The following PNPLA7 variants were observed in gnomAD, a reference collection of about 807,000 sequenced individuals.
PNPLA7 encodes the protein patatin like domain 7, lysophospholipase.
Under a neutral mutation model 161.7 loss-of-function variants are expected in PNPLA7, and 153 were observed. That is an observed-to-expected ratio of 0.95 (90% confidence interval 0.83 to 1.08). The LOEUF (loss-of-function observed/expected upper bound fraction) is 1.08, where lower values mean the gene tolerates loss of function less well. Ranked by LOEUF, PNPLA7 falls within the 50% of genes least tolerant of loss-of-function variation. The pLI, the probability that PNPLA7 is intolerant of heterozygous loss-of-function variation, is 0.00. For synonymous variants in PNPLA7, 809 were observed against 782.1 expected (o/e 1.03, Z -0.57); for missense variants, 1,739 against 1,856.6 (o/e 0.94, Z 1.16).
At chr9:137,496,498 G>A (rs113129516) in intron 18 of PNPLA7, among the ~76,000 whole-genome samples, 14 of 151,984 alleles carry the variant, frequency 9.2e-5, no homozygotes, top group African/African-American at 3.1e-4. Flanking sequence ...AATCACCTGC[G>A]GTCGGGAGTT....
chr9:137,496,266 C>T (rs1180856612), intron 18 of PNPLA7, among the ~76,000 whole-genome samples: 8 of 151,802 alleles, frequency 5.3e-5, no homozygotes, highest in Admixed American at 3.3e-4. Context: ...CGCCACCACA[C>T]CCAGCTAATT....
chr9:137,511,331 G>A (rs1834222598), intron 12 of PNPLA7, among the ~76,000 whole-genome samples: 1 of 151,790 alleles, frequency 6.6e-6, no homozygotes, highest in African/African-American at 2.4e-5. Flanking sequence ...CCTGGCGGTA[G>A]CGCCAGTGCC....
chr9:137,547,935 A>G lies in PNPLA7; in HGVS notation c.31-276T>C, dbSNP rs1181258981. On this transcript the variant is annotated intron_variant, in intron 1 of 34. Transcript: ENST00000406427. The surrounding 1 kb of genome is among the most constrained non-coding windows in gnomAD (Gnocchi z 4.6). ...AACACACCCACATGCTGGTGATGCAATCCTTGGGATGCAGGTCTCAGGGAG... is the reference window on the plus strand; with the variant it reads ...AACACACCCACATGCTGGTGATGCAGTCCTTGGGATGCAGGTCTCAGGGAG... 6.6e-6 allele frequency among the ~76,000 whole-genome samples: 1 copy of G among 152,088 alleles called. No individual in the cohort carries two copies. The highest frequency in any genetic ancestry group is 6.5e-5 in the Admixed American group (1 of 15,280).
chr9:137,535,968 T>C (rs2488593), intron 8 of PNPLA7, among the ~76,000 whole-genome samples: 52,463 of 151,156 alleles, frequency 0.35, 10,677 homozygotes, highest in East Asian at 0.67. Flanking sequence ...CTGGCTAACA[T>C]GGTGAAACCC....
chr9:137,521,321 G>T (rs1288309449), intron 10 of PNPLA7, among the ~76,000 whole-genome samples: 1 of 152,240 alleles, frequency 6.6e-6, no homozygotes, highest in Non-Finnish European at 1.5e-5. Context: ...TCACAACCGT[G>T]TGGGCCTCCA....
chr9:137,516,833 AATTATT>A (rs539171251), intron 11 of PNPLA7, among the ~76,000 whole-genome samples: 4 of 149,952 alleles, frequency 2.7e-5, no homozygotes, highest in Non-Finnish European at 4.4e-5. Flanking sequence ...TAATAATAAT[AATTATT>A]ATTATTATTA....
intron 8 of PNPLA7, among the ~76,000 whole-genome samples, chr9:137,534,791 T>C (rs1300402054): frequency 2.0e-5 from 3 of 152,138 alleles, no homozygotes; most frequent in Non-Finnish European, 4.4e-5. Context: ...TCCAGTAATC[T>C]AGATTACCTT....
intron 8 of PNPLA7, among the ~76,000 whole-genome samples, chr9:137,534,182 TCCTCCCCAACTGTCCACTC>T (rs1835759347): frequency 8.2e-6 from 1 of 122,488 alleles, no homozygotes; most frequent in Non-Finnish European, 1.7e-5. Context: ...ACCCCCAGAC[TCCTCCCCAACTGTCCACTC>T]CAGATGGGAG....
In PNPLA7 at chr9:137,500,500, G is replaced by A. The variant is rs1483400346; in HGVS notation, c.1757+191C>T. Among the ~76,000 whole-genome samples the A allele has an allele frequency of 6.6e-5, 10 of 152,192 alleles. No homozygotes were observed. Among genetic ancestry groups the A allele is most frequent in the Non-Finnish European group, 8.8e-5 (6 of 68,030 alleles). On this transcript the variant is annotated intron_variant, in intron 16 of 34. Transcript: ENST00000406427. The surrounding 1 kb of genome is among the most constrained non-coding windows in gnomAD (Gnocchi z 5.5). Reference sequence around the variant, plus strand: ...GTGCGAAGCTGATCGCTGCGGGCAGGTGGGGTCGGCTGACTGAGCGCTGGA... The same window carrying A: ...GTGCGAAGCTGATCGCTGCGGGCAGATGGGGTCGGCTGACTGAGCGCTGGA...
intron 22 of PNPLA7, 113 bp from the exon 23 acceptor site, chr9:137,480,593 T>C (rs898757554): frequency 1.1e-5 from 13 of 1,224,484 alleles, no homozygotes; most frequent in African/African-American, 3.1e-5. Context: ...CCCCTTCCCC[T>C]CCCTGCCCAG....
intron 24 of PNPLA7, 23 bp from the exon 25 acceptor site, chr9:137,478,175 G>A: frequency 1.6e-6 from 2 of 1,280,794 alleles, no homozygotes; most frequent in African/African-American, 1.5e-5. Context: ...CCGTCAGGCA[G>A]GGCTGGTGCA....
At chr9:137,492,850 T>C (rs1401348266) in intron 20 of PNPLA7, among the ~76,000 whole-genome samples, 163 bp downstream of exon 20, 1 of 61,980 alleles carries the variant, frequency 1.6e-5, no homozygotes, top group Admixed American at 2.2e-4. Context: ...ATGGGCTGGG[T>C]GGGCAGGGCT....
At chr9:137,462,545 C>T in intron 30 of PNPLA7, 140 bp downstream of exon 30, 2 of 1,407,650 alleles carry the variant, frequency 1.4e-6, no homozygotes, top group Non-Finnish European at 9.4e-7. Context: ...GAGTTGGGCT[C>T]AGGCAGGGGT....
rs1211577610 is a variant in PNPLA7, at chr9:137,547,419, C to T, written c.106-23G>A. 4.3e-6 allele frequency: 7 copies of T among 1,612,250 alleles called. No homozygotes were observed. Among genetic ancestry groups the T allele is most frequent in the East Asian group, 2.2e-5 (1 of 44,888 alleles). ...CAGCTGGCCGAGAGTGGAAACACGG[C>T]GCCCATCAGCAAAGCCACAAACCTA... On this transcript the variant is annotated intron_variant, in intron 2 of 34. Coordinates refer to ENST00000406427, the MANE Select transcript of PNPLA7 (RefSeq NM_001098537.3). This position sits in a 1 kb window ranked among gnomAD's most constrained non-coding sequence, Gnocchi z 4.6.
At chr9:137,463,326 T>TGGAGC in intron 29 of PNPLA7, 89 bp downstream of exon 29, 1 of 1,192,842 alleles carries the variant, frequency 8.4e-7, no homozygotes, top group Non-Finnish European at 1.2e-6. Flanking sequence ...CCAGGCTTCT[T>TGGAGC]GGAGCGGAGG....
At chr9:137,498,066 CA>C in intron 17 of PNPLA7, 47 bp downstream of exon 17, 5 of 1,586,076 alleles carry the variant, frequency 3.2e-6, no homozygotes, top group Non-Finnish European at 4.3e-6. Flanking sequence ...CCAGCTCCTG[CA>C]TGCCAGGGCA....
At chr9:137,527,105 A>G (rs944622788) in intron 8 of PNPLA7, among the ~76,000 whole-genome samples, 1 of 152,006 alleles carries the variant, frequency 6.6e-6, no homozygotes, top group African/African-American at 2.4e-5. Context: ...CGTCTCTACT[A>G]AAAATACAAA....
chr9:137,461,305 G>A, intron 33 of PNPLA7: 1 of 507,672 alleles, frequency 2.0e-6, no homozygotes, highest in South Asian at 2.7e-5. Flanking sequence ...GGGAGTTGAG[G>A]TGAATGAAGG....
rs779095588 is a variant in PNPLA7 at position 137,506,017 on chromosome 9, G to A, written c.1292C>T (p.Ser431Leu). The change falls in exon 13 of 35, where the codon TCG (serine) becomes TTG (leucine). Residue 431 changes from serine (S) to leucine (L), a missense_variant. Physicochemically the swap from Ser to Leu is moderately radical, Grantham distance 145 (BLOSUM62 -2). Coordinates refer to ENST00000406427, the MANE Select transcript of PNPLA7 (RefSeq NM_001098537.3). ...ACDRARVFLH[S>L]DEHPGSSVAS... ...CACGGAGCTCCCGGGGTGCTCGTCC[G>A]AGTGCAGGAAGACCCTGGCACGGTC... 55 of 1,612,716 alleles carry A rather than the reference G, an allele frequency of 3.4e-5. No individual in the cohort carries two copies. The highest frequency in any genetic ancestry group is 3.9e-5 in the Non-Finnish European group (46 of 1,179,740).
Sources: allele counts gnomAD v4.1 joint callset (sites outside exome capture counted in the v4.1 genomes callset), GRCh38; gene constraint gnomAD v4.1.1; non-coding constraint Gnocchi (gnomAD v3.1); transcripts MANE v1.5; gene names NCBI Gene and HGNC (gene_info 2026-07-23, HGNC 2026-07-21).